Variants in RTTN observed in about 807,000 individuals in gnomAD.
The protein encoded by RTTN is rotatin.
A neutral mutation model predicts 269.2 loss-of-function variants in RTTN; 182 were observed. The observed-to-expected ratio is 0.68, with a 90% CI of 0.60 to 0.76. The LOEUF (loss-of-function observed/expected upper bound fraction) is 0.76, where lower values mean the gene tolerates loss of function less well. RTTN is among the 30% of genes least tolerant of loss of function. The probability of loss-of-function intolerance (pLI) is 0.00; values close to 1 mark genes in which losing one functional copy is unlikely to be tolerated. For missense variants in RTTN, 2,545 were observed against 2,608.6 expected (o/e 0.98, Z 0.53); for synonymous variants, 1,006 against 963.5 (o/e 1.04, Z -0.82).
At chr18:70,196,001 G>A (rs535099658) in intron 7 of RTTN, among the ~76,000 whole-genome samples, 29 of 152,242 alleles carry the variant, frequency 1.9e-4, no homozygotes, top group East Asian at 9.6e-4. Flanking sequence ...TGGTTTTGTC[G>A]AAGCCAGGCT....
intron 32 of RTTN, among the ~76,000 whole-genome samples, chr18:70,078,343 A>G (rs889905390): frequency 5.3e-5 from 8 of 151,988 alleles, no homozygotes; most frequent in African/African-American, 1.9e-4. Context: ...CAAATATGCA[A>G]GAACTTGTGA....
At chr18:70,149,640 G>C (rs967451019) in intron 16 of RTTN, among the ~76,000 whole-genome samples, 8 of 151,450 alleles carry the variant, frequency 5.3e-5, no homozygotes, top group African/African-American at 1.9e-4. Flanking sequence ...AGTTAGTTAT[G>C]TAAGGTCTCC....
At chr18:70,090,898 T>C (rs2058827358) in intron 30 of RTTN, among the ~76,000 whole-genome samples, 1 of 152,202 alleles carries the variant, frequency 6.6e-6, no homozygotes, top group Non-Finnish European at 1.5e-5. Context: ...CAAAGAACAT[T>C]ATCCTTGAGC....
chr18:70,193,242 G>T, intron 8 of RTTN, 46 bp downstream of exon 8: 4 of 1,420,446 alleles, frequency 2.8e-6, no homozygotes, highest in African/African-American at 1.5e-5. Context: ...ACACACACAA[G>T]TTAACCGGCA....
In RTTN at chr18:70,059,892, G is replaced by A; in HGVS notation, c.4898C>T (p.Ala1633Val). 6.2e-7 allele frequency: 1 copy of A among 1,612,574 alleles called. No individual in the cohort carries two copies. The highest frequency in any genetic ancestry group is 8.5e-7 in the Non-Finnish European group (1 of 1,179,134). ...NLLTIAPRDT[A>V]KAFRQAHLIE... Reference sequence around the variant, plus strand: ...GAGATGAGCTTGTCGAAAAGCCTTTGCAGTGTCTCTGGGAGCAATCGTCAA... The same window carrying A: ...GAGATGAGCTTGTCGAAAAGCCTTTACAGTGTCTCTGGGAGCAATCGTCAA... The change falls in exon 36 of 49, where the codon GCA becomes GTA. Residue 1633 changes from alanine (A) to valine (V), a missense_variant. Ala to Val is a moderately conservative substitution (Grantham distance 64). Coordinates refer to ENST00000640769, the MANE Select transcript of RTTN (RefSeq NM_173630.4).
In RTTN at chr18:70,179,593, C is replaced by T. The variant is rs186508233; in HGVS notation, c.1306-2748G>A. 4.6e-4 allele frequency among the ~76,000 whole-genome samples: 69 copies of T among 151,616 alleles called. No homozygotes were observed. The Middle Eastern group carries it at 0.01, about 22-fold the overall frequency. ...TAAGCAACAACCCTAAAGGAGTTGA[C>T]GGTGGGGGAAAAGACCCGTCCTCAC... On this transcript the variant is annotated intron_variant, in intron 10 of 48. Transcript: ENST00000640769.
At chr18:70,066,613 T>C (rs1799029601) in intron 34 of RTTN, among the ~76,000 whole-genome samples, 1 of 152,176 alleles carries the variant, frequency 6.6e-6, no homozygotes, top group South Asian at 2.1e-4. Flanking sequence ...CAGATAACTC[T>C]TTTCCTTACC....
intron 12 of RTTN, among the ~76,000 whole-genome samples, chr18:70,167,495 G>A (rs557068979): frequency 3.2e-4 from 49 of 152,224 alleles, no homozygotes; most frequent in African/African-American, 1.2e-3. Context: ...GCCGAGGCGG[G>A]CAGATCACTT....
At chr18:70,089,383 A>G (rs1269799856) in intron 30 of RTTN, among the ~76,000 whole-genome samples, 1 of 152,228 alleles carries the variant, frequency 6.6e-6, no homozygotes, top group East Asian at 1.9e-4. Context: ...CCTACCAGAA[A>G]CCAACCATGT....
chr18:70,038,859 A>C (rs886577109), intron 40 of RTTN, among the ~76,000 whole-genome samples: 4 of 152,248 alleles, frequency 2.6e-5, no homozygotes, highest in African/African-American at 9.6e-5. Flanking sequence ...GAATTTTATC[A>C]GATAAATTTA....
At chr18:70,197,002 T>C (rs892545637) in intron 6 of RTTN, among the ~76,000 whole-genome samples, 4 of 152,202 alleles carry the variant, frequency 2.6e-5, no homozygotes, top group Non-Finnish European at 5.9e-5. Context: ...ATCTCAAGCA[T>C]CTAAACCATT....
chr18:70,192,576 G>A (rs1029823351), intron 8 of RTTN, among the ~76,000 whole-genome samples: 6 of 151,580 alleles, frequency 4.0e-5, no homozygotes, highest in Non-Finnish European at 5.9e-5. Context: ...AGCCACTCAG[G>A]AGGCTGAGGC....
intron 32 of RTTN, among the ~76,000 whole-genome samples, chr18:70,079,063 T>C (rs1563962): frequency 0.74 from 112,739 of 152,092 alleles, 49,304 homozygotes; most frequent in East Asian, 1. Flanking sequence ...TAAAGTAGTG[T>C]ATGAATAAAT....
intron 25 of RTTN, 72 bp from the exon 26 acceptor site, chr18:70,121,772 T>A (rs2059744832): frequency 7.4e-7 from 1 of 1,350,512 alleles, no homozygotes; most frequent in Admixed American, 3.2e-5. Context: ...ATCATAGATA[T>A]GTGGACTTAA....
chr18:70,114,722 C>A, intron 26 of RTTN, 123 bp from the exon 27 acceptor site: 1 of 605,664 alleles, frequency 1.7e-6, no homozygotes, highest in Non-Finnish European at 2.7e-6. Context: ...AGGTGTGGGC[C>A]TTTACTGCAT....
chr18:70,037,365 T>C (rs2144681829), intron 40 of RTTN, among the ~76,000 whole-genome samples: 1 of 152,246 alleles, frequency 6.6e-6, no homozygotes. Flanking sequence ...CAAAAGTGAC[T>C]CCTTCCTTCT....
chr18:70,008,976 T>C (rs1188041967), intron 46 of RTTN: 2 of 151,772 alleles, frequency 1.3e-5, no homozygotes, highest in African/African-American at 2.4e-5. Flanking sequence ...TTCACCAAGG[T>C]TGAAATGAAG....
chr18:70,020,557 TG>T (rs1266267720), intron 45 of RTTN, 57 bp downstream of exon 45: 2 of 1,393,976 alleles, frequency 1.4e-6, no homozygotes, highest in African/African-American at 2.9e-5. Flanking sequence ...AACTTTTGAT[TG>T]GAAAGATTAT....
chr18:70,166,767 T>C, intron 13 of RTTN, 152 bp downstream of exon 13: 1 of 590,798 alleles, frequency 1.7e-6, no homozygotes, highest in Non-Finnish European at 3.0e-6. Flanking sequence ...CAGCTGTACA[T>C]ATACCCTTTA....
Sources: allele counts gnomAD v4.1 joint callset (sites outside exome capture counted in the v4.1 genomes callset), GRCh38; gene constraint gnomAD v4.1.1; transcripts MANE v1.5; gene names NCBI Gene and HGNC (gene_info 2026-07-23, HGNC 2026-07-21).